MYRFL: variants seen among roughly 807,000 people sequenced by gnomAD.
MYRFL encodes myelin regulatory factor like, also known as myelin regulatory factor-like protein.
A neutral mutation model predicts 109.4 loss-of-function variants in MYRFL; 88 were observed. The ratio of observed to expected loss-of-function variants is 0.80; its 90% CI spans 0.68 to 0.96. MYRFL has a LOEUF of 0.96. MYRFL is among the 40% of genes least tolerant of loss of function. MYRFL has a pLI of 0.00. For missense variants in MYRFL, 957 were observed against 954.9 expected (o/e 1.00, Z -0.03); for synonymous variants, 324 against 320.9 (o/e 1.01, Z -0.10).
chr12:69,934,080 A>C (rs926854154), intron 16 of MYRFL, among the ~76,000 whole-genome samples: 1 of 152,186 alleles, frequency 6.6e-6, no homozygotes, highest in African/African-American at 2.4e-5. Context: ...GACACAAATC[A>C]TAAAGAGTAT....
At chr12:69,921,213 A>AT (rs771592079) in intron 13 of MYRFL, among the ~76,000 whole-genome samples, 279 of 151,418 alleles carry the variant, frequency 1.8e-3, no homozygotes, top group Middle Eastern at 0.01. Context: ...TCTTTAAAAC[A>AT]TTTTTTTTTG....
intron 2 of MYRFL, among the ~76,000 whole-genome samples, chr12:69,869,368 C>T (rs1885208332): frequency 6.6e-6 from 1 of 152,172 alleles, no homozygotes; most frequent in Non-Finnish European, 1.5e-5. Flanking sequence ...CCCATCCCCT[C>T]ATCCTTGGCA....
chr12:69,891,621 T>TTCTTTCTC, intron 7 of MYRFL, among the ~76,000 whole-genome samples: 1 of 98,674 alleles, frequency 1.0e-5, no homozygotes, highest in Non-Finnish European at 2.0e-5. Context: ...CTTTCTTTCT[T>TTCTTTCTC]TCCTCCTTCC....
chr12:69,926,757 T>C lies in MYRFL; in HGVS notation c.1766+23T>C, dbSNP rs1022710112. 8 of 1,399,972 alleles carry C rather than the reference T, an allele frequency of 5.7e-6. No individual in the cohort carries two copies. The African/African-American group carries it at 7.2e-5, about 13-fold the overall frequency. The allele number at this position is 1,399,972 out of a possible 1,614,324, so 86.7% of individuals were successfully genotyped here. On this transcript the variant is annotated intron_variant, in intron 14 of 24. Transcript: ENST00000552032. ...CAGGTACGTGCAGCCAGGATTGCCA[T>C]AGAAATTTGGGGAAAGGAGAGAGTG...
intron 10 of MYRFL, among the ~76,000 whole-genome samples, chr12:69,900,251 G>A (rs570384901): frequency 2.9e-4 from 44 of 152,242 alleles, no homozygotes; most frequent in African/African-American, 9.6e-4. Flanking sequence ...GTGTACACAT[G>A]CAAACACACA....
chr12:69,952,394 T>C (rs1439825594), intron 20 of MYRFL, among the ~76,000 whole-genome samples: 1 of 152,250 alleles, frequency 6.6e-6, no homozygotes, highest in African/African-American at 2.4e-5. Flanking sequence ...TTGATCTCCA[T>C]GGATGTTCAT....
At chr12:69,922,930 T>G (rs1954957959) in intron 13 of MYRFL, among the ~76,000 whole-genome samples, 3 of 152,234 alleles carry the variant, frequency 2.0e-5, no homozygotes, top group Admixed American at 1.3e-4. Flanking sequence ...ATTTATTATC[T>G]GGAATACTTT....
At chr12:69,884,641 A>G (rs1886335235) in intron 5 of MYRFL, among the ~76,000 whole-genome samples, 1 of 152,174 alleles carries the variant, frequency 6.6e-6, no homozygotes, top group South Asian at 2.1e-4. Context: ...TGGGCTAGTT[A>G]TTTCACATTC....
intron 11 of MYRFL, among the ~76,000 whole-genome samples, chr12:69,905,027 AG>A: frequency 6.6e-6 from 1 of 152,236 alleles, no homozygotes; most frequent in Non-Finnish European, 1.5e-5. Context: ...ATATTAGAAG[AG>A]CTGTGACCTA....
chr12:69,889,008 A>T (rs994619121), intron 6 of MYRFL, among the ~76,000 whole-genome samples: 1 of 152,148 alleles, frequency 6.6e-6, no homozygotes, highest in Middle Eastern at 3.2e-3. Flanking sequence ...CAGTAACTTG[A>T]TCCATTGGGA....
At chr12:69,830,842 A>G (rs1882587285) in intron 1 of MYRFL, among the ~76,000 whole-genome samples, 1 of 152,032 alleles carries the variant, frequency 6.6e-6, no homozygotes, top group Non-Finnish European at 1.5e-5. Context: ...ATCTCTGGGG[A>G]GTCCTGGAAC....
chr12:69,854,307 C>A (rs1487455702), intron 1 of MYRFL, among the ~76,000 whole-genome samples: 1 of 149,378 alleles, frequency 6.7e-6, no homozygotes, highest in African/African-American at 2.5e-5. Flanking sequence ...ACAGTCCAGC[C>A]TCGGCTGGGC....
chr12:69,860,869 T>C (rs1414234962), intron 2 of MYRFL, among the ~76,000 whole-genome samples: 3 of 140,316 alleles, frequency 2.1e-5, no homozygotes, highest in Non-Finnish European at 4.7e-5. Flanking sequence ...TAGGTATATC[T>C]CCTAAAGCTA....
chr12:69,857,898 T>G (rs1166746066), intron 2 of MYRFL, among the ~76,000 whole-genome samples: 2 of 151,884 alleles, frequency 1.3e-5, no homozygotes, highest in Non-Finnish European at 3.0e-5. Flanking sequence ...GGTATAGTAT[T>G]GAATAAAGAA....
chr12:69,932,630 A>G, intron 16 of MYRFL, 32 bp downstream of exon 16: 1 of 1,460,378 alleles, frequency 6.8e-7, no homozygotes, highest in Non-Finnish European at 9.3e-7. Flanking sequence ...TGCCATGTCA[A>G]GCTCTTTTGT....
intron 9 of MYRFL, 107 bp from the exon 10 acceptor site, chr12:69,897,049 C>A: frequency 2.6e-6 from 2 of 775,648 alleles, no homozygotes; most frequent in Non-Finnish European, 4.4e-6. Flanking sequence ...AATAAGCAAA[C>A]TCTTCTCGAT....
At chr12:69,900,720 G>A (rs1357444262) in intron 10 of MYRFL, among the ~76,000 whole-genome samples, 1 of 152,152 alleles carries the variant, frequency 6.6e-6, no homozygotes, top group Admixed American at 6.5e-5. Context: ...CCCAAACGAT[G>A]GTAAAACAAA....
At position 69,825,523 on chromosome 12, in the gene MYRFL, T is replaced by G; in HGVS notation, c.6T>G (p.Asp2Glu). The G allele has an allele frequency of 1.4e-6, 1 of 701,948 alleles. No homozygotes were observed. Among genetic ancestry groups the G allele is most frequent in the Non-Finnish European group, 2.6e-6 (1 of 384,278 alleles). 43.5% of individuals were successfully genotyped at this position (701,948 alleles called of 1,614,324 possible). ...AGTACTAGGATCACAGTACCATGGA[T>G]GTGGTAGGCGAAAATGAGGCCCTGC... M[D>E]VVGENEALQQ... Residue 2 changes from aspartate (D) to glutamate (E), a missense_variant, in exon 1 of 25, where the codon GAT (aspartate) becomes GAG (glutamate). Transcript: ENST00000552032.
At position 69,877,023 on chromosome 12, in the gene MYRFL, CTTTT is replaced by C. The variant is rs113649427; in HGVS notation, c.138-1990_138-1987del. Among the ~76,000 whole-genome samples the C allele has an allele frequency of 9.3e-3, 1,198 of 128,578 alleles. 20 individuals are homozygous for C. Among genetic ancestry groups the C allele is most frequent in the East Asian group, 0.055 (257 of 4,676 alleles). 84.4% of individuals were successfully genotyped at this position (128,578 alleles called of 152,430 possible). A position where few individuals can be genotyped will look rare whatever the true frequency, so the allele number is the denominator to read the frequency against. ...CAGGTCTTTCTTTCTTTCTTTCTTTCTTTTTTTTTTTTTTTTTTGAGACGGAGTC... is the reference window on the plus strand; with the variant it reads ...CAGGTCTTTCTTTCTTTCTTTCTTTCTTTTTTTTTTTTTTGAGACGGAGTC... On this transcript the variant is annotated intron_variant, in intron 2 of 24. Coordinates refer to ENST00000552032, the MANE Select transcript of MYRFL (RefSeq NM_182530.3).
Sources: allele counts gnomAD v4.1 joint callset (sites outside exome capture counted in the v4.1 genomes callset), GRCh38; gene constraint gnomAD v4.1.1; transcripts MANE v1.5; gene names NCBI Gene and HGNC (gene_info 2026-07-23, HGNC 2026-07-21).